NTM: variants seen among roughly 807,000 people sequenced by gnomAD.
The protein encoded by NTM is IgLON family member 2.
In NTM, 13 loss-of-function variants were observed where a neutral mutation model predicts 42.1. The ratio of observed to expected loss-of-function variants is 0.31; its 90% CI spans 0.20 to 0.49. The LOEUF is 0.49. Ranked by LOEUF, NTM falls within the 20% of genes least tolerant of loss-of-function variation. The probability of loss-of-function intolerance (pLI) is 0.99; values close to 1 mark genes in which losing one functional copy is unlikely to be tolerated. For missense variants in NTM, 373 were observed against 452.8 expected, an observed-to-expected ratio of 0.82 and a Z score of 1.60; for synonymous variants, 187 against 179.2, an observed-to-expected ratio of 1.04 and a Z score of -0.35.
At chr11:131,781,927 G>C (rs1409090587) in intron 1 of NTM, among the ~76,000 whole-genome samples, 1 of 152,178 alleles carries the variant, frequency 6.6e-6, no homozygotes. Flanking sequence ...AGGTCTTCTA[G>C]ACTTTATTGG....
intron 1 of NTM, among the ~76,000 whole-genome samples, chr11:131,754,307 G>A (rs1242894595): frequency 6.6e-6 from 1 of 151,700 alleles, no homozygotes; most frequent in African/African-American, 2.4e-5. Context: ...AAAAAGAAAA[G>A]TTGTATGTTT....
At chr11:131,790,424 AG>A (rs1195197124) in intron 1 of NTM, among the ~76,000 whole-genome samples, 1 of 152,172 alleles carries the variant, frequency 6.6e-6, no homozygotes, top group Non-Finnish European at 1.5e-5. Context: ...ATTACTACAT[AG>A]GTGAGGGGAG....
chr11:132,146,246 C>G lies in NTM; in HGVS notation c.168-36C>G. 1 of 1,610,002 alleles carries G rather than the reference C, an allele frequency of 6.2e-7. No homozygotes were observed. Among genetic ancestry groups the G allele is most frequent in the Middle Eastern group, 1.7e-4 (1 of 5,962 alleles). The stretch of plus-strand genomic sequence containing the variant: ...CCCTCTGATGGCTGCTGTCGTCTCT[C>G]AGTCCCTTGACGTACCTGTCTGGTC... On this transcript the variant is annotated intron_variant, in intron 2 of 8. Coordinates refer to ENST00000683400, the MANE Select transcript of NTM (RefSeq NM_001352005.2). This position sits in a 1 kb window ranked among gnomAD's most constrained non-coding sequence, Gnocchi z 4.5.
At chr11:131,633,616 T>TCCCC (rs1299722830) in intron 1 of NTM, among the ~76,000 whole-genome samples, 1 of 41,994 alleles carries the variant, frequency 2.4e-5, no homozygotes, top group Non-Finnish European at 6.0e-5. Flanking sequence ...TCTCTCACTC[T>TCCCC]CTCCCTCTCT....
intron 1 of NTM, chr11:131,774,042 A>C (rs1565530311): frequency 1.0e-6 from 1 of 984,174 alleles, no homozygotes; most frequent in East Asian, 1.1e-4. Context: ...CCTTGGTGTC[A>C]TTGACTTTGC....
chr11:132,175,003 A>G (rs772666707), intron 3 of NTM, among the ~76,000 whole-genome samples: 1 of 152,134 alleles, frequency 6.6e-6, no homozygotes, highest in South Asian at 2.1e-4. Flanking sequence ...CAGGGAACCC[A>G]GGACCTTCAC....
intron 1 of NTM, among the ~76,000 whole-genome samples, chr11:131,814,122 C>T (rs895213379): frequency 1.3e-5 from 2 of 152,176 alleles, no homozygotes; most frequent in African/African-American, 4.8e-5. Context: ...TAATAGAGCG[C>T]TCCACTCTTC....
chr11:131,797,372 T>G (rs545783853), intron 1 of NTM, among the ~76,000 whole-genome samples: 3 of 152,202 alleles, frequency 2.0e-5, no homozygotes, highest in Non-Finnish European at 4.4e-5. Flanking sequence ...AAAAGTGACC[T>G]GGCTCCTGCC....
intron 1 of NTM, among the ~76,000 whole-genome samples, chr11:131,489,923 T>G (rs564699566): frequency 6.6e-6 from 1 of 152,368 alleles, no homozygotes; most frequent in African/African-American, 2.4e-5. Flanking sequence ...CTTATTTGGC[T>G]TATGGTTCTG....
intron 6 of NTM, 149 bp from the exon 7 acceptor site, chr11:132,314,403 T>G: frequency 7.4e-6 from 6 of 811,424 alleles, no homozygotes; most frequent in African/African-American, 1.7e-5. Context: ...TACTACTACA[T>G]TATGGTGTGG....
At chr11:132,137,878 G>A (rs1232141400) in intron 2 of NTM, among the ~76,000 whole-genome samples, 1 of 152,188 alleles carries the variant, frequency 6.6e-6, no homozygotes, top group Non-Finnish European at 1.5e-5. Flanking sequence ...CCTGCACTGG[G>A]TGGTGGACTT....
At chr11:132,230,242 A>G in intron 4 of NTM, among the ~76,000 whole-genome samples, 1 of 152,230 alleles carries the variant, frequency 6.6e-6, no homozygotes, top group Non-Finnish European at 1.5e-5. Flanking sequence ...ACGATTATAA[A>G]CAGTAGCAGC....
At chr11:132,148,137 G>A (rs977218674) in intron 3 of NTM, among the ~76,000 whole-genome samples, 1 of 152,158 alleles carries the variant, frequency 6.6e-6, no homozygotes, top group African/African-American at 2.4e-5. Flanking sequence ...TACAATGGCT[G>A]TTTAAAAAAT....
intron 7 of NTM, among the ~76,000 whole-genome samples, chr11:132,325,922 A>G (rs1447435111): frequency 6.6e-6 from 1 of 152,102 alleles, no homozygotes. Context: ...CAAGGACAAA[A>G]AACCAAACAC....
At chr11:131,988,874 A>G (rs909586611) in intron 2 of NTM, among the ~76,000 whole-genome samples, 1 of 152,182 alleles carries the variant, frequency 6.6e-6, no homozygotes, top group Non-Finnish European at 1.5e-5. Context: ...ACACTGTTAT[A>G]TTTCTTTATT....
intron 1 of NTM, among the ~76,000 whole-genome samples, chr11:131,480,371 C>T (rs1451604524): frequency 6.6e-6 from 1 of 152,100 alleles, no homozygotes; most frequent in Non-Finnish European, 1.5e-5. Context: ...CTTTCCTCTA[C>T]CCACCAAAAG....
At chr11:132,303,914 C>T (rs148043916) in intron 4 of NTM, among the ~76,000 whole-genome samples, 1 of 152,038 alleles carries the variant, frequency 6.6e-6, no homozygotes, top group Non-Finnish European at 1.5e-5. Context: ...TTCACAGCAA[C>T]CCTAGAAGTA....
At chr11:131,725,244 G>T (rs1330861616) in intron 1 of NTM, among the ~76,000 whole-genome samples, 1 of 152,168 alleles carries the variant, frequency 6.6e-6, no homozygotes, top group African/African-American at 2.4e-5. Flanking sequence ...ATCACGGCAT[G>T]TGTGAAGTAC....
chr11:132,037,252 G>C (rs1459219626), intron 2 of NTM, among the ~76,000 whole-genome samples: 1 of 151,950 alleles, frequency 6.6e-6, no homozygotes, highest in Non-Finnish European at 1.5e-5. Flanking sequence ...GAGAGAGGGG[G>C]AGCCCTTCTC....
Sources: allele counts gnomAD v4.1 joint callset (sites outside exome capture counted in the v4.1 genomes callset), GRCh38; gene constraint gnomAD v4.1.1; non-coding constraint Gnocchi (gnomAD v3.1); transcripts MANE v1.5; gene names NCBI Gene and HGNC (gene_info 2026-07-23, HGNC 2026-07-21).